Variants in FSTL5 observed in about 807,000 individuals in gnomAD.
The protein encoded by FSTL5 is follistatin-related protein 5.
Under a neutral mutation model 89.1 loss-of-function variants are expected in FSTL5, and 62 were observed. The ratio of observed to expected loss-of-function variants is 0.70; its 90% CI spans 0.57 to 0.86. The LOEUF is 0.86. FSTL5 is among the 40% of genes least tolerant of loss of function. The probability of loss-of-function intolerance (pLI) is 0.00; values close to 1 mark genes in which losing one functional copy is unlikely to be tolerated. For missense variants in FSTL5, 1,057 were observed against 1,001.6 expected (o/e 1.06, Z -0.75); for synonymous variants, 383 against 346.2 (o/e 1.11, Z -1.18).
chr4:161,434,945 GAA>G (rs1732505727), intron 15 of FSTL5, among the ~76,000 whole-genome samples: 1 of 152,028 alleles, frequency 6.6e-6, no homozygotes, highest in Non-Finnish European at 1.5e-5. Flanking sequence ...AGTATGGGAA[GAA>G]AAGGGAACCC....
In FSTL5 at chr4:161,758,580, G is replaced by A. The variant is rs1243962416; in HGVS notation, c.727+831C>T. On this transcript the variant is annotated intron_variant, in intron 6 of 15. Transcript: ENST00000306100. ...GTCACCCAGGCTGGACTGCAATGGC[G>A]CCATCTTGGCTCACTGCAACCTCCG... Among the ~76,000 whole-genome samples the A allele has an allele frequency of 2.6e-5, 4 of 151,894 alleles. 1 individual carries two copies. The highest frequency in any genetic ancestry group is 5.9e-5 in the Non-Finnish European group (4 of 67,908).
intron 4 of FSTL5, among the ~76,000 whole-genome samples, chr4:161,870,091 G>A (rs571464551): frequency 2.6e-5 from 4 of 152,172 alleles, no homozygotes; most frequent in African/African-American, 9.7e-5. Context: ...TAGAATGAGT[G>A]TTGGAATTTG....
At chr4:161,495,838 A>T (rs1459005943) in intron 12 of FSTL5, among the ~76,000 whole-genome samples, 1 of 152,128 alleles carries the variant, frequency 6.6e-6, no homozygotes, top group Non-Finnish European at 1.5e-5. Flanking sequence ...CAAAAGACTC[A>T]TTTCCACCAC....
intron 15 of FSTL5, among the ~76,000 whole-genome samples, chr4:161,393,500 A>G (rs1730891120): frequency 6.6e-6 from 1 of 151,972 alleles, no homozygotes; most frequent in Non-Finnish European, 1.5e-5. Flanking sequence ...CGAAGATGGG[A>G]GAAGGGATGG....
At chr4:161,890,923 C>G (rs962787704) in intron 4 of FSTL5, among the ~76,000 whole-genome samples, 1 of 152,036 alleles carries the variant, frequency 6.6e-6, no homozygotes, top group Admixed American at 6.6e-5. Context: ...TATACTGTCT[C>G]TAACTCAAAG....
chr4:161,510,377 A>C, intron 11 of FSTL5, 21 bp downstream of exon 11: 1 of 1,476,088 alleles, frequency 6.8e-7, no homozygotes. Context: ...GTCACAACAT[A>C]AAAATAATTC....
chr4:161,791,147 G>T (rs938123339), intron 4 of FSTL5, among the ~76,000 whole-genome samples: 34 of 151,854 alleles, frequency 2.2e-4, no homozygotes, highest in African/African-American at 8.0e-4. Flanking sequence ...TTTGTGAAAA[G>T]ATGGCAAGCA....
intron 12 of FSTL5, among the ~76,000 whole-genome samples, chr4:161,490,185 T>TA (rs1019788833): frequency 6.6e-6 from 1 of 152,074 alleles, no homozygotes; most frequent in Non-Finnish European, 1.5e-5. Context: ...TACAAATCCA[T>TA]AAAAAATCGA....
At chr4:161,468,927 A>C (rs1293298840) in intron 13 of FSTL5, among the ~76,000 whole-genome samples, 1 of 152,036 alleles carries the variant, frequency 6.6e-6, no homozygotes, top group Non-Finnish European at 1.5e-5. Flanking sequence ...ACTTTGGTCG[A>C]TAAATTTGAC....
At chr4:161,438,607 G>A (rs1014923705) in intron 15 of FSTL5, among the ~76,000 whole-genome samples, 4 of 151,790 alleles carry the variant, frequency 2.6e-5, no homozygotes, top group African/African-American at 7.3e-5. Context: ...AAGAACACCC[G>A]AAATTATTTT....
At chr4:162,100,768 G>A (rs1181037964) in intron 2 of FSTL5, among the ~76,000 whole-genome samples, 1 of 151,896 alleles carries the variant, frequency 6.6e-6, no homozygotes, top group African/African-American at 2.4e-5. Context: ...TGGGGGAGGG[G>A]GTATAGAGTG....
chr4:161,461,784 T>G (rs1733593058), intron 13 of FSTL5, among the ~76,000 whole-genome samples: 1 of 152,190 alleles, frequency 6.6e-6, no homozygotes, highest in African/African-American at 2.4e-5. Context: ...ATAAGATTCC[T>G]TTGATTTTTC....
intron 7 of FSTL5, among the ~76,000 whole-genome samples, chr4:161,605,797 T>G (rs1181941468): frequency 6.6e-6 from 1 of 152,206 alleles, no homozygotes; most frequent in Non-Finnish European, 1.5e-5. Flanking sequence ...TAGACTGATT[T>G]CATTGATGGT....
intron 7 of FSTL5, among the ~76,000 whole-genome samples, chr4:161,618,637 C>T (rs1193209269): frequency 4.6e-5 from 7 of 152,056 alleles, no homozygotes; most frequent in African/African-American, 1.7e-4. Flanking sequence ...TATTGATTTG[C>T]ATATATTGAA....
intron 13 of FSTL5, among the ~76,000 whole-genome samples, chr4:161,468,261 T>A (rs1207742253): frequency 7.0e-6 from 1 of 143,102 alleles, no homozygotes; most frequent in Non-Finnish European, 1.5e-5. Context: ...TTTTTTTTTT[T>A]ACAATAGGAA....
chr4:161,596,859 C>A (rs1296219844), intron 7 of FSTL5, among the ~76,000 whole-genome samples: 1 of 152,012 alleles, frequency 6.6e-6, no homozygotes, highest in African/African-American at 2.4e-5. Context: ...TATCCTTCGC[C>A]CACTTTTTGA....
intron 4 of FSTL5, among the ~76,000 whole-genome samples, chr4:161,875,563 T>C (rs1224752515): frequency 1.3e-5 from 2 of 152,180 alleles, no homozygotes; most frequent in Non-Finnish European, 1.5e-5. Flanking sequence ...AAGGAGATTC[T>C]GTATCCGGGC....
At chr4:162,017,886 T>C (rs932043348) in intron 3 of FSTL5, among the ~76,000 whole-genome samples, 2 of 152,170 alleles carry the variant, frequency 1.3e-5, no homozygotes, top group Non-Finnish European at 2.9e-5. Context: ...TCTTAGATCA[T>C]ATTGTCCAAC....
intron 8 of FSTL5, among the ~76,000 whole-genome samples, chr4:161,560,564 GA>G (rs1342446236): frequency 1.4e-5 from 2 of 144,730 alleles, no homozygotes; most frequent in Non-Finnish European, 3.0e-5. Context: ...TATTTTATAA[GA>G]TTTTTTTTCT....
Sources: allele counts gnomAD v4.1 joint callset (sites outside exome capture counted in the v4.1 genomes callset), GRCh38; gene constraint gnomAD v4.1.1; transcripts MANE v1.5; gene names NCBI Gene and HGNC (gene_info 2026-07-23, HGNC 2026-07-21).